The following RORA variants were observed in gnomAD, a reference collection of about 807,000 sequenced individuals.
The protein encoded by RORA is nuclear receptor ROR-alpha.
In RORA, 7 loss-of-function variants were observed where a neutral mutation model predicts 69.5. The observed-to-expected ratio is 0.10, with a 90% CI of 0.06 to 0.19. The LOEUF is 0.19. Among genes scored for constraint, RORA ranks in the 10% least tolerant of loss-of-function variants. The pLI is 1.00. For synonymous variants in RORA, 261 were observed against 240.8 expected (o/e 1.08, Z -0.78); for missense variants, 457 against 663.0 (o/e 0.69, Z 3.41).
chr15:60,911,612 C>T (rs1010786844), intron 1 of RORA, among the ~76,000 whole-genome samples: 29 of 151,494 alleles, frequency 1.9e-4, no homozygotes, highest in East Asian at 1.9e-4. Flanking sequence ...AAGCCAAGGA[C>T]GCATTCTTTA....
intron 1 of RORA, among the ~76,000 whole-genome samples, chr15:61,171,471 C>G (rs1481975240): frequency 6.6e-6 from 1 of 152,168 alleles, no homozygotes; most frequent in East Asian, 1.9e-4. Context: ...TTCTGCTAAT[C>G]CAGGCCCACA....
chr15:60,503,466 G>C, intron 7 of RORA, 69 bp downstream of exon 7: 1 of 1,522,474 alleles, frequency 6.6e-7, no homozygotes, highest in Non-Finnish European at 9.0e-7. Flanking sequence ...TCCTTACCAA[G>C]CATTTCTTTA....
At chr15:61,034,688 A>G (rs1442967972) in intron 1 of RORA, among the ~76,000 whole-genome samples, 1 of 150,146 alleles carries the variant, frequency 6.7e-6, no homozygotes, top group African/African-American at 2.5e-5. Context: ...TGTGACTATA[A>G]TTGTGCATGT....
chr15:60,910,472 G>C (rs896186807), intron 1 of RORA, among the ~76,000 whole-genome samples: 2 of 152,200 alleles, frequency 1.3e-5, no homozygotes, highest in African/African-American at 4.8e-5. Context: ...AAATAGAGTA[G>C]AGCATTTTAA....
intron 1 of RORA, among the ~76,000 whole-genome samples, chr15:61,025,855 A>G (rs1020120789): frequency 6.6e-6 from 1 of 152,198 alleles, no homozygotes; most frequent in Non-Finnish European, 1.5e-5. Flanking sequence ...ATAATTTGCC[A>G]TGCCTACATT....
At chr15:61,175,015 A>G (rs1027320060) in intron 1 of RORA, among the ~76,000 whole-genome samples, 2 of 152,194 alleles carry the variant, frequency 1.3e-5, no homozygotes, top group Non-Finnish European at 2.9e-5. Context: ...TGGTTTTTAA[A>G]TAACAAGAGC....
intron 1 of RORA, among the ~76,000 whole-genome samples, chr15:60,785,222 C>T (rs899620411): frequency 2.0e-5 from 3 of 152,126 alleles, no homozygotes; most frequent in Admixed American, 6.5e-5. Context: ...TTCATGCACT[C>T]GAAAAGTAAA....
chr15:60,951,240 A>T (rs915669499), intron 1 of RORA, among the ~76,000 whole-genome samples: 4 of 150,500 alleles, frequency 2.7e-5, no homozygotes, highest in Non-Finnish European at 5.9e-5. Flanking sequence ...TTTGAAACCA[A>T]CGAGAACAAA....
chr15:60,601,472 T>C (rs980635027), intron 2 of RORA, among the ~76,000 whole-genome samples: 4 of 152,206 alleles, frequency 2.6e-5, no homozygotes, highest in African/African-American at 9.7e-5. Flanking sequence ...ATGTTGTTAA[T>C]GGATGTTAGA....
chr15:60,764,414 C>A (rs529759401), intron 1 of RORA, among the ~76,000 whole-genome samples: 4 of 151,920 alleles, frequency 2.6e-5, no homozygotes, highest in Admixed American at 1.3e-4. Flanking sequence ...GTTCTCTCAG[C>A]TCGAAAATTT....
rs59044853 is a variant in RORA at position 60,819,746 on chromosome 15, G to GACACACACACACACACACAC, written c.167-141080_167-141061dup. On this transcript the variant is annotated intron_variant, in intron 1 of 10. Coordinates refer to ENST00000335670, the MANE Select transcript of RORA (RefSeq NM_134261.3). ...CACTCCTGGACTGAAGTCAAACCCA[G>GACACACACACACACACACAC]ACACACACACACACACACACACACA... 2.3e-3 allele frequency among the ~76,000 whole-genome samples: 278 copies of GACACACACACACACACACAC among 119,340 alleles called. 8 individuals are homozygous for GACACACACACACACACACAC. The highest frequency in any genetic ancestry group is 8.1e-3 in the African/African-American group (241 of 29,884). The allele number at this position is 119,340 out of a possible 152,430, so 78.3% of individuals were successfully genotyped here.
chr15:60,968,236 C>T (rs1027881378), intron 1 of RORA, among the ~76,000 whole-genome samples: 2 of 152,172 alleles, frequency 1.3e-5, no homozygotes, highest in Admixed American at 1.3e-4. Context: ...TGGAAACCTG[C>T]TGAGCTGACT....
At chr15:60,637,663 T>C (rs2069865416) in intron 2 of RORA, among the ~76,000 whole-genome samples, 1 of 152,162 alleles carries the variant, frequency 6.6e-6, no homozygotes, top group African/African-American at 2.4e-5. Context: ...TATTACTTTT[T>C]CCCCACAGCT....
At chr15:60,556,972 A>G in intron 2 of RORA, 1 of 1,511,184 alleles carries the variant, frequency 6.6e-7, no homozygotes, top group Non-Finnish European at 9.2e-7. Context: ...CAAAGAAAAG[A>G]TTTATCAGAG....
chr15:61,103,440 T>C (rs1489874008), intron 1 of RORA, among the ~76,000 whole-genome samples: 1 of 152,168 alleles, frequency 6.6e-6, no homozygotes, highest in Non-Finnish European at 1.5e-5. Context: ...TCCATGGGGT[T>C]AAGAACTTTC....
At chr15:61,148,390 T>C (rs1051551510) in intron 1 of RORA, among the ~76,000 whole-genome samples, 8 of 152,096 alleles carry the variant, frequency 5.3e-5, no homozygotes, top group Non-Finnish European at 1.0e-4. Context: ...CTGCCTGTAG[T>C]TTCACTCTCC....
At chr15:60,538,703 T>C (rs1263123346) in intron 2 of RORA, among the ~76,000 whole-genome samples, 1 of 152,304 alleles carries the variant, frequency 6.6e-6, no homozygotes, top group African/African-American at 2.4e-5. Context: ...GTCCTTGACC[T>C]AGCTTTATCT....
At chr15:61,068,732 T>G (rs1462219774) in intron 1 of RORA, among the ~76,000 whole-genome samples, 1 of 152,228 alleles carries the variant, frequency 6.6e-6, no homozygotes, top group Non-Finnish European at 1.5e-5. Flanking sequence ...CATTCACCCA[T>G]GTATAAGCTT....
At chr15:60,901,587 G>A (rs1891395567) in intron 1 of RORA, among the ~76,000 whole-genome samples, 1 of 152,146 alleles carries the variant, frequency 6.6e-6, no homozygotes, top group Admixed American at 6.5e-5. Flanking sequence ...AAGTATTTAT[G>A]TCCTAACAAC....
Sources: gnomAD v4.1 joint callset for allele counts (sites outside exome capture counted in the v4.1 genomes callset) on GRCh38, gnomAD v4.1.1 for gene constraint, MANE v1.5 for transcripts, NCBI Gene and HGNC (gene_info 2026-07-23, HGNC 2026-07-21) for gene names.